The following E2F3 variants were observed in gnomAD, a reference collection of about 807,000 sequenced individuals.
E2F3 encodes the protein transcription factor E2F3.
Under a neutral mutation model 44.4 loss-of-function variants are expected in E2F3, and 11 were observed. The observed-to-expected ratio is 0.25, with a 90% CI of 0.16 to 0.41. The LOEUF (loss-of-function observed/expected upper bound fraction) is 0.41. E2F3 is among the 10% of genes least tolerant of loss of function. E2F3 has a pLI of 1.00. For synonymous variants in E2F3, 249 were observed against 253.0 expected (o/e 0.98, Z 0.15); for missense variants, 487 against 583.6 (o/e 0.83, Z 1.70).
At chr6:20,424,811 A>G (rs1446234803) in intron 1 of E2F3, among the ~76,000 whole-genome samples, 1 of 152,148 alleles carries the variant, frequency 6.6e-6, no homozygotes, top group Non-Finnish European at 1.5e-5. Context: ...CAATATCCTC[A>G]TCTGTAGATG....
Position 20,490,677 on chromosome 6 carries a change from T to G in E2F3, c.*247T>G. 4 of 327,116 alleles carry G rather than the reference T, an allele frequency of 1.2e-5. No individual in the cohort carries two copies. The highest frequency in any genetic ancestry group is 2.2e-5 in the Non-Finnish European group (4 of 182,888). The allele number at this position is 327,116 out of a possible 1,614,324, so 20.3% of individuals were successfully genotyped here. A position where few individuals can be genotyped will look rare whatever the true frequency, so the allele number is the denominator to read the frequency against. ...CTTTGCTCCAGGCTCCAAGATCTCC[T>G]GGCTAAGTCAGCAAGTGAGAAAATG... On this transcript the variant is annotated 3_prime_UTR_variant, in exon 7 of 7. Coordinates refer to ENST00000346618, the MANE Select transcript of E2F3 (RefSeq NM_001949.5). This position sits in a 1 kb window ranked among gnomAD's most constrained non-coding sequence, Gnocchi z 4.3.
chr6:20,446,336 A>G (rs932353358), intron 1 of E2F3, among the ~76,000 whole-genome samples: 1 of 152,200 alleles, frequency 6.6e-6, no homozygotes, highest in African/African-American at 2.4e-5. Flanking sequence ...CCTGACTTAT[A>G]GTAGAGCATC....
intron 1 of E2F3, among the ~76,000 whole-genome samples, chr6:20,410,144 CCCATTTCTGATGCTTTGGGGGCT>C (rs1173897738): frequency 4.6e-5 from 7 of 152,128 alleles, no homozygotes; most frequent in African/African-American, 1.7e-4. Context: ...TCTGCTCTTC[CCCATTTCTGATGCTTTGGGGGCT>C]CCATTTCTGA....
intron 1 of E2F3, among the ~76,000 whole-genome samples, chr6:20,468,558 T>G (rs9350251): frequency 0.13 from 20,259 of 152,202 alleles, 1,771 homozygotes; most frequent in East Asian, 0.4. Context: ...TTGGGTTTTT[T>G]GGGAAGCTTC....
At chr6:20,409,217 G>A (rs566614289) in intron 1 of E2F3, among the ~76,000 whole-genome samples, 142 of 152,218 alleles carry the variant, frequency 9.3e-4, no homozygotes, top group African/African-American at 2.5e-3. Context: ...TTAAAAATGC[G>A]CACATAAAGA....
intron 1 of E2F3, among the ~76,000 whole-genome samples, chr6:20,405,481 G>GATA (rs1392514286): frequency 6.6e-6 from 1 of 151,388 alleles, no homozygotes; most frequent in Non-Finnish European, 1.5e-5. Context: ...GAGTAGCTGA[G>GATA]ATTACAGGCG....
chr6:20,490,860 C>T lies in E2F3; in HGVS notation c.*430C>T, dbSNP rs1762536103. 4.3e-6 allele frequency: 1 copy of T among 229,936 alleles called. No individual in the cohort carries two copies. The highest frequency in any genetic ancestry group is 1.8e-4 in the South Asian group (1 of 5,528). The allele number at this position is 229,936 out of a possible 1,614,324, so 14.2% of individuals were successfully genotyped here. A position where few individuals can be genotyped will look rare whatever the true frequency, so the allele number is the denominator to read the frequency against. ...AGCATTTCAAGCCGTGCCTTCTCCG[C>T]AGAATGCATGTCTTTGAGGTCTGCT... On this transcript the variant is annotated 3_prime_UTR_variant, in exon 7 of 7. Coordinates refer to ENST00000346618, the MANE Select transcript of E2F3 (RefSeq NM_001949.5). The surrounding 1 kb of genome is among the most constrained non-coding windows in gnomAD (Gnocchi z 4.3).
chr6:20,440,977 G>A (rs943811144), intron 1 of E2F3, among the ~76,000 whole-genome samples: 10 of 152,078 alleles, frequency 6.6e-5, no homozygotes, highest in Non-Finnish European at 4.4e-5. Context: ...ATAAGGGGAG[G>A]CCCAAAATCC....
intron 1 of E2F3, among the ~76,000 whole-genome samples, chr6:20,466,135 C>A (rs965968781): frequency 2.6e-5 from 4 of 151,564 alleles, no homozygotes; most frequent in Middle Eastern, 3.4e-3. Flanking sequence ...GGGGTGTGGG[C>A]AGAGTCTCGC....
intron 1 of E2F3, among the ~76,000 whole-genome samples, chr6:20,424,208 A>AGG (rs780357090): frequency 4.8e-4 from 29 of 60,200 alleles, no homozygotes; most frequent in South Asian, 2.8e-3. Context: ...CCTCAGTGGA[A>AGG]GGGTGTGTGT....
At chr6:20,459,732 C>G (rs1449952027) in intron 1 of E2F3, among the ~76,000 whole-genome samples, 1 of 152,114 alleles carries the variant, frequency 6.6e-6, no homozygotes, top group Non-Finnish European at 1.5e-5. Context: ...CACTTGAGTC[C>G]AGGAGTTCGA....
In E2F3 at chr6:20,454,338, A is replaced by G. The variant is rs111790315; in HGVS notation, c.394-25508A>G. 3.3e-5 allele frequency among the ~76,000 whole-genome samples: 5 copies of G among 152,364 alleles called. 1 individual carries two copies. The highest frequency in any genetic ancestry group is 1.2e-4 in the African/African-American group (5 of 41,590). ...GATTGAGACCCATGACCTTAGAGGT[A>G]ATATTTAATTTCATAATGGCAGTTT... On this transcript the variant is annotated intron_variant, in intron 1 of 6. Transcript: ENST00000346618.
At chr6:20,428,353 A>G (rs1197158513) in intron 1 of E2F3, among the ~76,000 whole-genome samples, 2 of 151,926 alleles carry the variant, frequency 1.3e-5, no homozygotes, top group Non-Finnish European at 2.9e-5. Context: ...CCTCCCAAGT[A>G]GTGGGATTAT....
At chr6:20,424,281 G>A (rs1408880714) in intron 1 of E2F3, among the ~76,000 whole-genome samples, 1 of 114,106 alleles carries the variant, frequency 8.8e-6, no homozygotes, top group Non-Finnish European at 1.7e-5. Flanking sequence ...TTTCCTAAAC[G>A]AATAGCCAGT....
At chr6:20,409,231 G>A (rs1759587039) in intron 1 of E2F3, among the ~76,000 whole-genome samples, 1 of 152,036 alleles carries the variant, frequency 6.6e-6, no homozygotes, top group Non-Finnish European at 1.5e-5. Context: ...ATAAAGAAGT[G>A]TCCTTTAAAC....
At chr6:20,484,566 C>A (rs945370676) in intron 4 of E2F3, among the ~76,000 whole-genome samples, 3 of 152,130 alleles carry the variant, frequency 2.0e-5, no homozygotes, top group African/African-American at 7.2e-5. Flanking sequence ...CTGCCTGGCC[C>A]TCTATAAAGG....
rs72828446 is a variant in E2F3 at position 20,452,180 on chromosome 6, G to A, written c.394-27666G>A. Among the ~76,000 whole-genome samples, 1,033 of 152,218 alleles carry A rather than the reference G, an allele frequency of 6.8e-3. 4 individuals are homozygous for A. Among genetic ancestry groups the A allele is most frequent in the Non-Finnish European group, 0.01 (712 of 68,014 alleles). On this transcript the variant is annotated intron_variant, in intron 1 of 6. Transcript: ENST00000346618. ...TTGGATTTGGCTGTAAATCTGTCTG[G>A]TCCTGGGCTTTTCTTGGTTGGTAGG...
At chr6:20,488,050 A>G in intron 5 of E2F3, 63 bp from the exon 6 acceptor site, 2 of 1,594,856 alleles carry the variant, frequency 1.3e-6, no homozygotes, top group Non-Finnish European at 1.7e-6. Flanking sequence ...TTAGACAAGA[A>G]TTACTATGGC....
At position 20,402,057 on chromosome 6, in the gene E2F3, G is replaced by C. The variant is rs1759320136; in HGVS notation, c.-176G>C. The C allele has an allele frequency of 2.7e-6, 3 of 1,125,516 alleles. No homozygotes were observed. The highest frequency in any genetic ancestry group is 1.7e-5 in the African/African-American group (1 of 60,258). 69.7% of individuals were successfully genotyped at this position (1,125,516 alleles called of 1,614,324 possible). A position where few individuals can be genotyped will look rare whatever the true frequency, so the allele number is the denominator to read the frequency against. ...CTCTCCAGAGCCCCGATTATTTTTG[G>C]CCCCCGGGGCCTGTGCGGTGCGGAA... On this transcript the variant is annotated 5_prime_UTR_variant, in exon 1 of 7. Coordinates refer to ENST00000346618, the MANE Select transcript of E2F3 (RefSeq NM_001949.5). This position sits in a 1 kb window ranked among gnomAD's most constrained non-coding sequence, Gnocchi z 5.6.
Sources: allele counts gnomAD v4.1 joint callset (sites outside exome capture counted in the v4.1 genomes callset), GRCh38; gene constraint gnomAD v4.1.1; non-coding constraint Gnocchi (gnomAD v3.1); transcripts MANE v1.5; gene names NCBI Gene and HGNC (gene_info 2026-07-23, HGNC 2026-07-21).